PGGHG: variants seen among roughly 807,000 people sequenced by gnomAD.
The protein encoded by PGGHG is protein-glucosylgalactosylhydroxylysine glucosidase, also known as ATH1, acid trehalase-like 1.
In PGGHG, 67 loss-of-function variants were observed where a neutral mutation model predicts 74.5. That is an observed-to-expected ratio of 0.90 (90% CI 0.74 to 1.10). The LOEUF is 1.10. Ranked by LOEUF, PGGHG falls within the 50% of genes least tolerant of loss-of-function variation. The pLI is 0.00. For synonymous variants in PGGHG, 496 were observed against 419.9 expected, an observed-to-expected ratio of 1.18 and a Z score of -2.21; for missense variants, 1,034 against 981.5, an observed-to-expected ratio of 1.05 and a Z score of -0.72.
In PGGHG at chr11:293,464, A is replaced by G. The variant is rs758235637; in HGVS notation, c.1442A>G (p.Glu481Gly). The G allele has an allele frequency of 5.0e-6, 8 of 1,611,896 alleles. No individual in the cohort carries two copies. Among genetic ancestry groups the G allele is most frequent in the South Asian group, 1.1e-5 (1 of 91,078 alleles). ...ADKIKVPFDV[E>G]QNFHPEFDGY... ...AAGATCAAGGTACCCTTTGACGTGGAGCAGAACTTCCACCCGGAGTTCGAT... is the reference window on the plus strand; with the variant it reads ...AAGATCAAGGTACCCTTTGACGTGGGGCAGAACTTCCACCCGGAGTTCGAT... The change falls in exon 9 of 14, where the codon GAG (glutamate) becomes GGG (glycine). Residue 481 changes from glutamate (E) to glycine (G), a missense_variant. Coordinates refer to ENST00000409548, the MANE Select transcript of PGGHG (RefSeq NM_025092.5).
In PGGHG at chr11:290,541, C is replaced by T; in HGVS notation, c.411C>T (p.Ala137=). ...SGPITLLLRS[A]FSPESPDLDL... ...CCATCACGCTGCTCCTGCGGTCAGC[C>T]TTCTCCCCAGAAAGCCCAGACCTGG... Residue 137 remains alanine (A), a synonymous_variant, in exon 3 of 14, where the codon GCC becomes GCT. Transcript: ENST00000409548. The T allele has an allele frequency of 6.4e-7, 1 of 1,550,840 alleles. No homozygotes were observed. The highest frequency in any genetic ancestry group is 1.4e-5 in the African/African-American group (1 of 73,188).
At chr11:291,382 A>G (rs758844687) in intron 4 of PGGHG, 27 of 458,884 alleles carry the variant, frequency 5.9e-5, no homozygotes, top group Non-Finnish European at 7.7e-5. Context: ...GCAGGTCCAG[A>G]TCACCAGCGT....
chr11:291,862 G>A (rs543275697), intron 4 of PGGHG, 114 bp from the exon 5 acceptor site: 10 of 1,426,486 alleles, frequency 7.0e-6, no homozygotes, highest in South Asian at 1.5e-5. Flanking sequence ...GTGGGCAGCC[G>A]AGGAGGAACC....
chr11:293,274 C>T, intron 8 of PGGHG, 39 bp downstream of exon 8: 1 of 1,605,274 alleles, frequency 6.2e-7, no homozygotes, highest in Non-Finnish European at 8.5e-7. Flanking sequence ...CCACCCCCGC[C>T]CCAGCTGGAG....
At position 291,133 on chromosome 11, in the gene PGGHG, C is replaced by A. The variant is rs1845708244; in HGVS notation, c.906+20C>A. 1.3e-6 allele frequency: 2 copies of A among 1,537,090 alleles called. No homozygotes were observed. Among genetic ancestry groups the A allele is most frequent in the Non-Finnish European group, 1.8e-6 (2 of 1,139,334 alleles). ...GACCAGGTGAGCACTGTACACCCAG[C>A]ACCAGCCACACAGCAGGCGACACAT... On this transcript the variant is annotated intron_variant, in intron 4 of 13. Transcript: ENST00000409548.
chr11:291,751 C>T (rs1199449142), intron 4 of PGGHG: 16 of 555,938 alleles, frequency 2.9e-5, no homozygotes, highest in East Asian at 1.7e-4. Flanking sequence ...ACACAAACGC[C>T]GGCTGGGGAG....
At position 290,849 on chromosome 11, in the gene PGGHG, C is replaced by A; in HGVS notation, c.642C>A (p.Cys214Ter). 1 of 1,611,914 alleles carries A rather than the reference C, an allele frequency of 6.2e-7. No homozygotes were observed. Residue 214 changes from cysteine (C) to a stop codon, truncating the protein, a stop_gained, in exon 4 of 14, where the codon TGC (cysteine) becomes TGA (stop). Coordinates refer to ENST00000409548, the MANE Select transcript of PGGHG (RefSeq NM_025092.5). LOFTEE classifies it high-confidence loss of function. ...VGGSQAEAQA[C>*]LTEALQLQAR... ...GCAGCCAGGCTGAGGCTCAGGCCTGCCTCACTGAGGCCCTGCAGCTGCAGG... is the reference window on the plus strand; with the variant it reads ...GCAGCCAGGCTGAGGCTCAGGCCTGACTCACTGAGGCCCTGCAGCTGCAGG...
chr11:293,965 G>A (rs1370168373), intron 11 of PGGHG, 40 bp downstream of exon 11: 2 of 1,599,670 alleles, frequency 1.3e-6, no homozygotes, highest in East Asian at 2.2e-5. Context: ...GGCCCCTTGT[G>A]GTGGGAGTGG....
chr11:293,372 C>G lies in PGGHG; in HGVS notation c.1350C>G (p.Arg450=), dbSNP rs756966610. The G allele has an allele frequency of 6.2e-7, 1 of 1,612,052 alleles. No homozygotes were observed. Among genetic ancestry groups the G allele is most frequent in the South Asian group, 1.1e-5 (1 of 91,036 alleles). ...YTNVLVQNSL[R]FAAALAQDLG... is the part of the protein sequence containing the mutation. ...CACCTACCTCCACCTCCAGCCTGCG[C>G]TTTGCTGCTGCCCTGGCCCAGGACC... The change falls in exon 9 of 14, where the codon CGC becomes CGG. Residue 450 remains arginine (R), a synonymous_variant. Coordinates refer to ENST00000409548, the MANE Select transcript of PGGHG (RefSeq NM_025092.5).
rs763092526 is a variant in PGGHG, at chr11:294,344, AC to A, written c.1888del (p.Gln630ArgfsTer14). On this transcript the variant is annotated frameshift_variant, in exon 13 of 14. Transcript: ENST00000409548. LOFTEE classifies it high-confidence loss of function. ...ISRVSVSGIF[Y>X]QGNKLNFSFS... ...AGAGTGAGCGTCTCCGGCATCTTCT[AC>A]CAGGGGAACAAGCTCAACTTCTCTT... 6.2e-7 allele frequency: 1 copy of A among 1,613,036 alleles called. No homozygotes were observed. Among genetic ancestry groups the A allele is most frequent in the African/African-American group, 1.3e-5 (1 of 74,982 alleles).
Position 294,919 on chromosome 11 carries a change from TCC to T in PGGHG, c.*172_*173del, listed in dbSNP as rs1845833391. The stretch of plus-strand genomic sequence containing the variant: ...AAGGCTTTCTGCCTGTAGCCTGGAC[TCC>T]CGTGGACCCCCGTGGGCAGGTGGCT... On this transcript the variant is annotated 3_prime_UTR_variant, in exon 14 of 14. Transcript: ENST00000409548. The T allele has an allele frequency of 1.3e-6, 1 of 791,436 alleles. No individual in the cohort carries two copies. Among genetic ancestry groups the T allele is most frequent in the Non-Finnish European group, 1.9e-6 (1 of 529,568 alleles). The allele number at this position is 791,436 out of a possible 1,614,324, so 49.0% of individuals were successfully genotyped here. A position where few individuals can be genotyped will look rare whatever the true frequency, so the allele number is the denominator to read the frequency against.
In PGGHG at chr11:290,616, G is replaced by C. The variant is rs1281393449; in HGVS notation, c.470+16G>C. 2 of 1,590,434 alleles carry C rather than the reference G, an allele frequency of 1.3e-6. No homozygotes were observed. Among genetic ancestry groups the C allele is most frequent in the Admixed American group, 1.8e-5 (1 of 56,484 alleles). ...AGGGAGCCCGGTAAGGAGGGGGCTGGATTTGCAGCCAGGGAGTCCAGGGAG... is the reference window on the plus strand; with the variant it reads ...AGGGAGCCCGGTAAGGAGGGGGCTGCATTTGCAGCCAGGGAGTCCAGGGAG... On this transcript the variant is annotated intron_variant, in intron 3 of 13. Transcript: ENST00000409548.
intron 4 of PGGHG, chr11:291,698 T>A: frequency 2.7e-6 from 1 of 374,394 alleles, no homozygotes; most frequent in Non-Finnish European, 4.9e-6. Context: ...ACTGCCAGCC[T>A]GAAGCTGCCC....
At position 295,116 on chromosome 11, in the gene PGGHG, T is replaced by A; in HGVS notation, c.*367T>A. ...CAGTGGTCACAGCGGCCGGCCGCTC[T>A]GCTGAGAAGGCAGAGAGGCAGGCTC... On this transcript the variant is annotated 3_prime_UTR_variant, in exon 14 of 14. Transcript: ENST00000409548. The A allele has an allele frequency of 5.4e-6, 1 of 184,082 alleles. No homozygotes were observed. Among genetic ancestry groups the A allele is most frequent in the Non-Finnish European group, 1.1e-5 (1 of 89,612 alleles). 11.4% of individuals were successfully genotyped at this position (184,082 alleles called of 1,614,324 possible).
At position 290,667 on chromosome 11, in the gene PGGHG, C is replaced by T. The variant is rs765501558; in HGVS notation, c.471-11C>T. ...GGAGCTCATCCCTGAGGCATGGCCA[C>T]GCTCTCACAGGTACCTGTATGGCCA... On this transcript the variant is annotated splice_polypyrimidine_tract_variant and intron_variant, in intron 3 of 13. Coordinates refer to ENST00000409548, the MANE Select transcript of PGGHG (RefSeq NM_025092.5). 46 of 1,609,266 alleles carry T rather than the reference C, an allele frequency of 2.9e-5. No individual in the cohort carries two copies. In the Middle Eastern group the frequency reaches 5.0e-4, roughly 17 times the overall value.
rs765791814 is a variant in PGGHG, at chr11:293,514, C to G, written c.1480+12C>G. On this transcript the variant is annotated intron_variant, in intron 9 of 13. Coordinates refer to ENST00000409548, the MANE Select transcript of PGGHG (RefSeq NM_025092.5). ...TGGGTATGAGCCTGGTGAGTGGACC[C>G]CTTCAAGGGCTCCTCCCCTGCCGTC... is the stretch of plus-strand genomic sequence containing the variant. The G allele has an allele frequency of 1.2e-6, 2 of 1,611,538 alleles. No individual in the cohort carries two copies. Among genetic ancestry groups the G allele is most frequent in the Non-Finnish European group, 1.7e-6 (2 of 1,179,842 alleles).
At chr11:291,579 T>G in intron 4 of PGGHG, 1 of 254,124 alleles carries the variant, frequency 3.9e-6, no homozygotes, top group Non-Finnish European at 7.6e-6. Flanking sequence ...CTGCTGGGCG[T>G]GGAGGTGTCG....
In PGGHG at chr11:294,537, G is replaced by T; in HGVS notation, c.2021-19G>T. ...ACCCCAGGCTGCCCCTCACCCCCAG[G>T]CTGCCTCTCTCCCTGCAGGACACAA... On this transcript the variant is annotated intron_variant, in intron 13 of 13. Coordinates refer to ENST00000409548, the MANE Select transcript of PGGHG (RefSeq NM_025092.5). 1 of 488,276 alleles carries T rather than the reference G, an allele frequency of 2.0e-6. No homozygotes were observed. Among genetic ancestry groups the T allele is most frequent in the East Asian group, 4.1e-5 (1 of 24,510 alleles). The allele number at this position is 488,276 out of a possible 1,614,324, so 30.2% of individuals were successfully genotyped here.
Position 292,690 on chromosome 11 carries a change from G to A in PGGHG, c.1158+13G>A, listed in dbSNP as rs560201194. The A allele has an allele frequency of 4.8e-5, 77 of 1,613,596 alleles. 1 individual carries two copies. The highest frequency in any genetic ancestry group is 3.2e-4 in the African/African-American group (24 of 75,050). The stretch of plus-strand genomic sequence containing the variant: ...CCATACCACCCAGGTGAGGTGCTGC[G>A]TGCCCACCATTCCTGCAAGTGTGGC... On this transcript the variant is annotated intron_variant, in intron 6 of 13. Coordinates refer to ENST00000409548, the MANE Select transcript of PGGHG (RefSeq NM_025092.5).
Sources: gnomAD v4.1 joint callset for allele counts on GRCh38, gnomAD v4.1.1 for gene constraint, MANE v1.5 for transcripts, NCBI Gene and HGNC (gene_info 2026-07-23, HGNC 2026-07-21) for gene names.